CAMK4: variants seen among roughly 807,000 people sequenced by gnomAD.
CAMK4 encodes calcium/calmodulin dependent protein kinase IV, also known as calcium/calmodulin-dependent protein kinase type IV.
Under a neutral mutation model 44.9 loss-of-function variants are expected in CAMK4, and 22 were observed. That is an observed-to-expected ratio of 0.49 (90% CI 0.35 to 0.70). The LOEUF (loss-of-function observed/expected upper bound fraction) is 0.70. CAMK4 is among the 30% of genes least tolerant of loss of function. The probability of loss-of-function intolerance (pLI) is 0.01; values close to 1 mark genes in which losing one functional copy is unlikely to be tolerated. For missense variants in CAMK4, 498 were observed against 586.8 expected (o/e 0.85, Z 1.56); for synonymous variants, 218 against 215.4 (o/e 1.01, Z -0.11).
chr5:111,253,130 A>G (rs1322127660), intron 1 of CAMK4, among the ~76,000 whole-genome samples: 1 of 152,208 alleles, frequency 6.6e-6, no homozygotes, highest in Non-Finnish European at 1.5e-5. Context: ...ACATACACAC[A>G]TTTATGTTCT....
At chr5:111,383,658 G>C (rs577936852) in intron 4 of CAMK4, among the ~76,000 whole-genome samples, 1 of 150,606 alleles carries the variant, frequency 6.6e-6, no homozygotes, top group East Asian at 2.0e-4. Context: ...GTAGAGACAG[G>C]GTTTCACCAT....
At chr5:111,295,545 C>T (rs2112634387) in intron 1 of CAMK4, among the ~76,000 whole-genome samples, 1 of 152,258 alleles carries the variant, frequency 6.6e-6, no homozygotes, top group South Asian at 2.1e-4. Flanking sequence ...TGAGCTCAAC[C>T]CAGATCTGTG....
chr5:111,237,375 C>A (rs781157674), intron 1 of CAMK4, among the ~76,000 whole-genome samples: 3 of 152,204 alleles, frequency 2.0e-5, no homozygotes, highest in Non-Finnish European at 4.4e-5. Flanking sequence ...CAGTTGAATT[C>A]TCTGGGCGAT....
intron 5 of CAMK4, among the ~76,000 whole-genome samples, chr5:111,443,759 G>T (rs892252646): frequency 6.6e-6 from 1 of 152,006 alleles, no homozygotes; most frequent in African/African-American, 2.4e-5. Context: ...TTGTTACTGT[G>T]TTCCTATGTT....
At chr5:111,239,031 G>A (rs144513438) in intron 1 of CAMK4, among the ~76,000 whole-genome samples, 59 of 151,666 alleles carry the variant, frequency 3.9e-4, no homozygotes, top group African/African-American at 1.3e-3. Flanking sequence ...CTCAGCAGCT[G>A]GCACGGGATT....
At chr5:111,349,108 T>G (rs1749987205) in intron 2 of CAMK4, among the ~76,000 whole-genome samples, 1 of 152,024 alleles carries the variant, frequency 6.6e-6, no homozygotes, top group Non-Finnish European at 1.5e-5. Context: ...TGTTTCCTTT[T>G]TTTCCACTTA....
At chr5:111,441,932 C>G (rs1371147783) in intron 5 of CAMK4, among the ~76,000 whole-genome samples, 1 of 152,104 alleles carries the variant, frequency 6.6e-6, no homozygotes, top group Non-Finnish European at 1.5e-5. Context: ...ATGTTTTATT[C>G]TTTATTTTCT....
rs17465224 is a variant in CAMK4, at chr5:111,376,590, A to C, written c.304-270A>C. 5.9e-3 allele frequency among the ~76,000 whole-genome samples: 894 copies of C among 152,252 alleles called. 5 individuals are homozygous for C. The highest frequency in any genetic ancestry group is 9.1e-3 in the Admixed American group (139 of 15,264). On this transcript the variant is annotated intron_variant, in intron 3 of 10. Coordinates refer to ENST00000282356, the MANE Select transcript of CAMK4 (RefSeq NM_001744.6). Reference sequence around the variant, plus strand: ...AGTTGGGATGTTTTAGAAAAGTTAGAAAGTGTTTCCAAGGCAGACATCTTT... The same window carrying C: ...AGTTGGGATGTTTTAGAAAAGTTAGCAAGTGTTTCCAAGGCAGACATCTTT...
At chr5:111,337,584 A>G (rs568368474) in intron 1 of CAMK4, among the ~76,000 whole-genome samples, 4 of 150,846 alleles carry the variant, frequency 2.7e-5, no homozygotes, top group East Asian at 2.0e-4. Context: ...TCTAAATTTA[A>G]TGTTTTATTT....
intron 1 of CAMK4, among the ~76,000 whole-genome samples, chr5:111,267,700 T>A (rs2112574895): frequency 1.2e-5 from 1 of 82,350 alleles, no homozygotes. Context: ...CGAGACTCCG[T>A]CTCAAAAAAA....
chr5:111,298,037 T>G (rs756081346), intron 1 of CAMK4, among the ~76,000 whole-genome samples: 1 of 152,228 alleles, frequency 6.6e-6, no homozygotes, highest in Non-Finnish European at 1.5e-5. Context: ...TATCTCTAAG[T>G]TGATGAAGTG....
Position 111,449,108 on chromosome 5 carries a change from AT to A in CAMK4, c.551-14del. ...AAGCTGAGAAGACGTGCTTCATTAA[AT>A]TTTTTTCTTGTGTTATTAGCTGATT... is the stretch of plus-strand genomic sequence containing the variant. On this transcript the variant is annotated intron_variant, in intron 6 of 10. Transcript: ENST00000282356. 6.0e-6 allele frequency: 7 copies of A among 1,157,964 alleles called. No homozygotes were observed. Among genetic ancestry groups the A allele is most frequent in the East Asian group, 4.7e-5 (2 of 42,578 alleles). The allele number at this position is 1,157,964 out of a possible 1,614,324, so 71.7% of individuals were successfully genotyped here.
chr5:111,226,704 C>T (rs947683764), intron 1 of CAMK4, among the ~76,000 whole-genome samples: 38 of 152,300 alleles, frequency 2.5e-4, no homozygotes, highest in Admixed American at 3.3e-4. Flanking sequence ...ACACTGACAA[C>T]AGAGAACACT....
At chr5:111,312,549 G>C (rs1216038853) in intron 1 of CAMK4, among the ~76,000 whole-genome samples, 1 of 152,116 alleles carries the variant, frequency 6.6e-6, no homozygotes, top group Non-Finnish European at 1.5e-5. Context: ...GATTCCAGCA[G>C]ACTCAGTCAG....
Position 111,484,072 on chromosome 5 carries a change from G to A in CAMK4, c.1028G>A (p.Ser343Asn), listed in dbSNP as rs1464912848. Residue 343 changes from serine (S) to asparagine (N), a missense_variant, in exon 11 of 11, where the codon AGC (serine) becomes AAC (asparagine). Transcript: ENST00000282356. This position sits in a 1 kb window ranked among gnomAD's most constrained non-coding sequence, Gnocchi z 5.3. ...GCCTCTTCGCGCCTGGGAAGTGCCA[G>A]CAGCAGCCATGGCAGCATCCAGGAG... ...VVASSRLGSA[S>N]SSHGSIQESH... The A allele has an allele frequency of 6.2e-7, 1 of 1,609,068 alleles. No individual in the cohort carries two copies. The highest frequency in any genetic ancestry group is 1.3e-5 in the African/African-American group (1 of 74,804).
At chr5:111,314,720 A>T (rs1207666266) in intron 1 of CAMK4, among the ~76,000 whole-genome samples, 1 of 152,078 alleles carries the variant, frequency 6.6e-6, no homozygotes, top group Non-Finnish European at 1.5e-5. Flanking sequence ...AGACCATCAA[A>T]TAAGTGTCTT....
intron 7 of CAMK4, among the ~76,000 whole-genome samples, chr5:111,472,109 G>A (rs1755085731): frequency 1.3e-5 from 2 of 151,992 alleles, no homozygotes; most frequent in Admixed American, 6.6e-5. Context: ...TGGCCAGGCT[G>A]GACTCAAACT....
At chr5:111,279,834 CT>C (rs776577833) in intron 1 of CAMK4, among the ~76,000 whole-genome samples, 4 of 152,114 alleles carry the variant, frequency 2.6e-5, no homozygotes, top group Non-Finnish European at 5.9e-5. Flanking sequence ...GTGCCTGCCC[CT>C]GGGTTTGATG....
rs913224718 is a variant in CAMK4 at position 111,295,577 on chromosome 5, A to C, written c.162-48447A>C. Among the ~76,000 whole-genome samples the C allele has an allele frequency of 1.3e-5, 2 of 152,208 alleles. 1 individual carries two copies. Among genetic ancestry groups the C allele is most frequent in the South Asian group, 4.1e-4 (2 of 4,832 alleles). Reference sequence around the variant, plus strand: ...TGTGTCTGTAAAAGCTCTCTCTAATAAGACAAATGTGTTTTAGGGAAAAGC... The same window carrying C: ...TGTGTCTGTAAAAGCTCTCTCTAATCAGACAAATGTGTTTTAGGGAAAAGC... On this transcript the variant is annotated intron_variant, in intron 1 of 10. Coordinates refer to ENST00000282356, the MANE Select transcript of CAMK4 (RefSeq NM_001744.6).
Sources: allele counts gnomAD v4.1 joint callset (sites outside exome capture counted in the v4.1 genomes callset), GRCh38; gene constraint gnomAD v4.1.1; non-coding constraint Gnocchi (gnomAD v3.1); transcripts MANE v1.5; gene names NCBI Gene and HGNC (gene_info 2026-07-23, HGNC 2026-07-21).